The following EPSTI1 variants were observed in gnomAD, a reference collection of about 807,000 sequenced individuals.
EPSTI1 encodes the protein epithelial stromal interaction 1.
A neutral mutation model predicts 49.9 loss-of-function variants in EPSTI1; 66 were observed. The observed-to-expected ratio is 1.32, with a 90% CI of 1.08 to 1.62. EPSTI1 has a LOEUF of 1.62. Ranked by LOEUF, EPSTI1 falls within the 40% of genes most tolerant of loss-of-function variation. The pLI, the probability that EPSTI1 is intolerant of heterozygous loss-of-function variation, is 0.00. For synonymous variants in EPSTI1, 137 were observed against 130.7 expected, an observed-to-expected ratio of 1.05 and a Z score of -0.33; for missense variants, 394 against 365.5, an observed-to-expected ratio of 1.08 and a Z score of -0.64.
At chr13:42,892,869 T>G (rs781337847) in intron 10 of EPSTI1, among the ~76,000 whole-genome samples, 1 of 149,804 alleles carries the variant, frequency 6.7e-6, no homozygotes, top group Non-Finnish European at 1.5e-5. Context: ...CAAAGAGGGA[T>G]GAAAACGGGT....
intron 10 of EPSTI1, among the ~76,000 whole-genome samples, chr13:42,894,084 T>G (rs777059918): frequency 6.6e-6 from 1 of 152,240 alleles, no homozygotes; most frequent in Non-Finnish European, 1.5e-5. Flanking sequence ...ATGTATACAT[T>G]TATAAAATCC....
rs142300881 is a variant in EPSTI1, at chr13:42,926,334, A to C, written c.657+2T>G. On this transcript the variant is annotated splice_donor_variant, in intron 7 of 10. Transcript: ENST00000313624. LOFTEE classifies it high-confidence loss of function. The stretch of plus-strand genomic sequence containing the variant: ...CAGCACCCTGCAAAGTAATTCACTT[A>C]CCCATGTTGAGGATTGTGGGCCACA... The C allele has an allele frequency of 6.4e-7, 1 of 1,574,556 alleles. No individual in the cohort carries two copies. Among genetic ancestry groups the C allele is most frequent in the Non-Finnish European group, 8.7e-7 (1 of 1,143,794 alleles).
At chr13:42,896,181 C>T (rs540801940) in intron 9 of EPSTI1, among the ~76,000 whole-genome samples, 4 of 152,114 alleles carry the variant, frequency 2.6e-5, no homozygotes, top group East Asian at 1.9e-4. Context: ...CATCGGGCTG[C>T]GGTTCCACCT....
chr13:42,975,783 TAAAC>T (rs1338191233), intron 1 of EPSTI1, among the ~76,000 whole-genome samples: 2 of 151,390 alleles, frequency 1.3e-5, no homozygotes, highest in Middle Eastern at 3.4e-3. Context: ...TTTCTTCACT[TAAAC>T]ACACACACAC....
chr13:42,964,332 T>A (rs563994205), intron 3 of EPSTI1, among the ~76,000 whole-genome samples, 193 bp from the exon 4 acceptor site: 1 of 148,344 alleles, frequency 6.7e-6, no homozygotes, highest in Admixed American at 6.6e-5. Flanking sequence ...AAGAGCTGGA[T>A]AGAAAGAGGA....
At chr13:42,991,769 C>T (rs142673143) in intron 1 of EPSTI1, among the ~76,000 whole-genome samples, 215 of 152,336 alleles carry the variant, frequency 1.4e-3, no homozygotes, top group African/African-American at 5.0e-3. Context: ...AGGAACCGGG[C>T]TGGTTATTTA....
At chr13:42,960,728 GT>G (rs1229275668) in intron 5 of EPSTI1, among the ~76,000 whole-genome samples, 1 of 152,196 alleles carries the variant, frequency 6.6e-6, no homozygotes, top group African/African-American at 2.4e-5. Context: ...CAGTTTCCTG[GT>G]CTTTTCCAGC....
chr13:42,949,247 C>A (rs1395449449), intron 6 of EPSTI1, among the ~76,000 whole-genome samples: 1 of 152,116 alleles, frequency 6.6e-6, no homozygotes, highest in African/African-American at 2.4e-5. Flanking sequence ...CCAGGTCTTC[C>A]CCAGATCAAG....
At chr13:42,989,721 G>C (rs1338794691) in intron 1 of EPSTI1, among the ~76,000 whole-genome samples, 1 of 151,540 alleles carries the variant, frequency 6.6e-6, no homozygotes, top group Non-Finnish European at 1.5e-5. Flanking sequence ...AGCCTCCCAA[G>C]TAGCTGGGAC....
intron 6 of EPSTI1, chr13:42,934,660 TC>T (rs2038497911): frequency 6.3e-6 from 1 of 159,746 alleles, no homozygotes; most frequent in Non-Finnish European, 1.4e-5. Flanking sequence ...CTGAGCTTTC[TC>T]CTGGGTAGCT....
At chr13:42,900,081 T>A (rs538341093) in intron 9 of EPSTI1, among the ~76,000 whole-genome samples, 26 of 152,322 alleles carry the variant, frequency 1.7e-4, no homozygotes, top group African/African-American at 6.0e-4. Flanking sequence ...GAGTTTATAA[T>A]GCCACCTATC....
chr13:42,908,502 A>G (rs2037565434), intron 8 of EPSTI1, among the ~76,000 whole-genome samples: 1 of 151,558 alleles, frequency 6.6e-6, no homozygotes, highest in Admixed American at 6.6e-5. Flanking sequence ...AAAAAAAAAA[A>G]AGGAAAAGAA....
intron 1 of EPSTI1, among the ~76,000 whole-genome samples, chr13:42,973,871 T>C (rs2039819706): frequency 6.6e-6 from 1 of 152,156 alleles, no homozygotes; most frequent in African/African-American, 2.4e-5. Flanking sequence ...TATTTGAAAA[T>C]GAGTCTCCTT....
intron 8 of EPSTI1, among the ~76,000 whole-genome samples, chr13:42,901,707 AT>A (rs1267604355): frequency 6.6e-6 from 1 of 152,166 alleles, no homozygotes; most frequent in Non-Finnish European, 1.5e-5. Flanking sequence ...CAATTCCTGC[AT>A]GTGGTTTCAT....
At chr13:42,932,804 T>TATCACC (rs2038421565) in intron 6 of EPSTI1, among the ~76,000 whole-genome samples, 1 of 152,156 alleles carries the variant, frequency 6.6e-6, no homozygotes, top group South Asian at 2.1e-4. Flanking sequence ...TCCAAGTAAA[T>TATCACC]ATCACCAGTG....
intron 1 of EPSTI1, among the ~76,000 whole-genome samples, chr13:42,981,587 G>A (rs2039987659): frequency 2.0e-5 from 3 of 152,146 alleles, no homozygotes; most frequent in African/African-American, 7.2e-5. Context: ...CAGAAAAGTT[G>A]GAAATTCCTT....
rs778968238 is a variant in EPSTI1, at chr13:42,888,501, C to A, written c.917G>T (p.Gly306Val). The change falls in exon 11 of 11, where the codon GGT becomes GTT. Residue 306 changes from glycine (G) to valine (V), a missense_variant and splice_region_variant. Transcript: ENST00000313624. ...CWNMNSGNSW[G>V]I ...ATAGGAGTCAATATTTTCTCATATA[C>A]CCTGGAAGAAAAAGAAAACAAAAAT... 7 of 1,585,230 alleles carry A rather than the reference C, an allele frequency of 4.4e-6. No individual in the cohort carries two copies. The African/African-American group carries it at 6.8e-5, about 15-fold the overall frequency.
At chr13:42,965,922 TGCC>T (rs2039601383) in intron 3 of EPSTI1, among the ~76,000 whole-genome samples, 1 of 58,422 alleles carries the variant, frequency 1.7e-5, no homozygotes, top group African/African-American at 4.8e-5. Flanking sequence ...GTCTGCCGAA[TGCC>T]TGCAATTGCA....
At chr13:42,904,915 G>A (rs954631869) in intron 8 of EPSTI1, among the ~76,000 whole-genome samples, 3 of 152,114 alleles carry the variant, frequency 2.0e-5, no homozygotes, top group Admixed American at 6.5e-5. Context: ...ACTGGGTAGC[G>A]GCGCTTGAAG....
Sources: gnomAD v4.1 joint callset for allele counts (sites outside exome capture counted in the v4.1 genomes callset) on GRCh38, gnomAD v4.1.1 for gene constraint, MANE v1.5 for transcripts, NCBI Gene and HGNC (gene_info 2026-07-23, HGNC 2026-07-21) for gene names.